PLOD2: variants seen among roughly 807,000 people sequenced by gnomAD.
PLOD2 encodes lysine hydroxylase 2.
PLOD2 carries 65 observed loss-of-function variants against 101.0 expected under a neutral mutation model. That is an observed-to-expected ratio of 0.64 (90% confidence interval 0.53 to 0.79). The LOEUF is 0.79. Among genes scored for constraint, PLOD2 ranks in the 30% least tolerant of loss-of-function variants. The pLI is 0.00. For synonymous variants in PLOD2, 314 were observed against 302.9 expected (o/e 1.04, Z -0.38); for missense variants, 909 against 914.6 (o/e 0.99, Z 0.08).
intron 7 of PLOD2, among the ~76,000 whole-genome samples, chr3:146,097,286 G>A (rs974836506): frequency 1.7e-4 from 26 of 149,996 alleles, no homozygotes; most frequent in Admixed American, 4.6e-4. Context: ...CCACGACCCC[G>A]TCTGGGAGGT....
intron 1 of PLOD2, among the ~76,000 whole-genome samples, chr3:146,150,734 TAA>T (rs35302944): frequency 1.3e-5 from 2 of 150,280 alleles, no homozygotes; most frequent in Non-Finnish European, 3.0e-5. Context: ...AAATAAAAGT[TAA>T]AAAAAAAAGT....
chr3:146,115,908 CT>C (rs1352626244), intron 3 of PLOD2, among the ~76,000 whole-genome samples: 1 of 152,128 alleles, frequency 6.6e-6, no homozygotes, highest in Non-Finnish European at 1.5e-5. Context: ...TTCAATAAAA[CT>C]TTTTACAAAA....
chr3:146,124,116 T>C (rs766807735), intron 2 of PLOD2, 22 bp downstream of exon 2: 6 of 1,216,264 alleles, frequency 4.9e-6, no homozygotes, highest in African/African-American at 3.0e-5. Flanking sequence ...AGGATCTTCA[T>C]AGGTTAAAGG....
At chr3:146,112,894 C>T (rs907026800) in intron 3 of PLOD2, among the ~76,000 whole-genome samples, 1 of 149,578 alleles carries the variant, frequency 6.7e-6, no homozygotes, top group Non-Finnish European at 1.5e-5. Flanking sequence ...GTAATAGGTG[C>T]GGCAAACCAC....
At chr3:146,144,469 C>G (rs1342243458) in intron 1 of PLOD2, among the ~76,000 whole-genome samples, 1 of 146,176 alleles carries the variant, frequency 6.8e-6, no homozygotes, top group African/African-American at 2.5e-5. Context: ...GAAATCAACT[C>G]CACAATATGT....
intron 1 of PLOD2, among the ~76,000 whole-genome samples, chr3:146,147,007 C>T (rs56683042): frequency 6.6e-6 from 1 of 152,130 alleles, no homozygotes; most frequent in African/African-American, 2.4e-5. Flanking sequence ...GGCAGAGAAG[C>T]TTCCGAGGTT....
At chr3:146,154,355 C>T (rs1171920211) in intron 1 of PLOD2, among the ~76,000 whole-genome samples, 6 of 151,842 alleles carry the variant, frequency 4.0e-5, no homozygotes, top group Admixed American at 3.9e-4. Context: ...AAGGACACTC[C>T]AATGTAGTAT....
chr3:146,087,306 G>GA (rs1327910309), intron 9 of PLOD2, among the ~76,000 whole-genome samples: 4 of 151,668 alleles, frequency 2.6e-5, no homozygotes, highest in African/African-American at 9.7e-5. Context: ...GAAATATCTA[G>GA]AAAAAATGTC....
At chr3:146,087,371 C>A (rs915512817) in intron 9 of PLOD2, among the ~76,000 whole-genome samples, 2 of 151,596 alleles carry the variant, frequency 1.3e-5, no homozygotes, top group South Asian at 4.1e-4. Context: ...TCACATTTTA[C>A]AAAATACCCT....
At chr3:146,092,199 A>G (rs13075266) in intron 7 of PLOD2, among the ~76,000 whole-genome samples, 1 of 151,996 alleles carries the variant, frequency 6.6e-6, no homozygotes, top group African/African-American at 2.4e-5. Flanking sequence ...GAAAAAGCAA[A>G]CAATGAAATA....
chr3:146,096,173 T>C (rs1356755160), intron 7 of PLOD2, among the ~76,000 whole-genome samples: 1 of 145,282 alleles, frequency 6.9e-6, no homozygotes, highest in African/African-American at 2.6e-5. Flanking sequence ...GCAGATGGAG[T>C]CTCGTTCACT....
intron 1 of PLOD2, 147 bp from the exon 2 acceptor site, chr3:146,124,376 A>G: frequency 1.8e-6 from 1 of 562,010 alleles, no homozygotes; most frequent in Non-Finnish European, 3.2e-6. Flanking sequence ...AGAGCTGTCG[A>G]AAAAATAGAT....
At chr3:146,103,851 A>G (rs1014214412) in intron 6 of PLOD2, among the ~76,000 whole-genome samples, 2 of 150,688 alleles carry the variant, frequency 1.3e-5, no homozygotes, top group African/African-American at 4.9e-5. Flanking sequence ...ACACACACAC[A>G]CACACACACA....
intron 3 of PLOD2, among the ~76,000 whole-genome samples, chr3:146,116,079 A>C (rs762572300): frequency 6.6e-6 from 1 of 152,190 alleles, no homozygotes; most frequent in African/African-American, 2.4e-5. Flanking sequence ...CAAAAATTAT[A>C]ATCATCCAAA....
intron 1 of PLOD2, among the ~76,000 whole-genome samples, chr3:146,151,451 C>A (rs1361494593): frequency 1.3e-5 from 2 of 151,836 alleles, no homozygotes; most frequent in African/African-American, 4.8e-5. Flanking sequence ...GAGCCAAGAT[C>A]GCGCCATTGC....
At chr3:146,083,817 G>A (rs967200209) in intron 11 of PLOD2, among the ~76,000 whole-genome samples, 1 of 151,702 alleles carries the variant, frequency 6.6e-6, no homozygotes, top group African/African-American at 2.4e-5. Flanking sequence ...TCCTGACCTC[G>A]TGATCCACCC....
At chr3:146,123,920 T>C (rs1414882726) in intron 2 of PLOD2, among the ~76,000 whole-genome samples, 1 of 152,030 alleles carries the variant, frequency 6.6e-6, no homozygotes, top group East Asian at 1.9e-4. Context: ...TGTGTAATGA[T>C]CAAATCAGAA....
chr3:146,116,855 T>A (rs1023816504), intron 3 of PLOD2, among the ~76,000 whole-genome samples: 1 of 152,116 alleles, frequency 6.6e-6, no homozygotes, highest in Non-Finnish European at 1.5e-5. Flanking sequence ...AAATTAAATA[T>A]AATAAATCTT....
In PLOD2 at chr3:146,119,853, C is replaced by G. The variant is rs1444798202; in HGVS notation, c.338+1259G>C. Among the ~76,000 whole-genome samples, 21 of 151,882 alleles carry G rather than the reference C, an allele frequency of 1.4e-4. 1 individual carries two copies. The highest frequency in any genetic ancestry group is 1.1e-3 in the Admixed American group (16 of 15,188). ...AATCCAGTCTATCATTGTTGGACAT[C>G]TGGGTTGGTTCCAAGTCTTTGCTAT... On this transcript the variant is annotated intron_variant, in intron 3 of 19. Coordinates refer to ENST00000282903, the MANE Select transcript of PLOD2 (RefSeq NM_182943.3).
Sources: allele counts gnomAD v4.1 joint callset (sites outside exome capture counted in the v4.1 genomes callset), GRCh38; gene constraint gnomAD v4.1.1; transcripts MANE v1.5; gene names NCBI Gene and HGNC (gene_info 2026-07-23, HGNC 2026-07-21).